The following ZHX1 variants were observed in gnomAD, a reference collection of about 807,000 sequenced individuals.
ZHX1 encodes the protein zinc fingers and homeoboxes protein 1.
ZHX1 carries 20 observed loss-of-function variants against 61.8 expected under a neutral mutation model. The observed-to-expected ratio is 0.32, with a 90% confidence interval of 0.23 to 0.47. The LOEUF (loss-of-function observed/expected upper bound fraction) is 0.47. ZHX1 is among the 20% of genes least tolerant of loss of function. The pLI is 1.00. For synonymous variants in ZHX1, 318 were observed against 352.6 expected, an observed-to-expected ratio of 0.90 and a Z score of 1.10; for missense variants, 800 against 1,034.8, an observed-to-expected ratio of 0.77 and a Z score of 3.11.
rs1048083019 is a variant in ZHX1, at chr8:123,270,839, C to T, written c.-340+3378G>A. 4.9e-4 allele frequency among the ~76,000 whole-genome samples: 74 copies of T among 150,726 alleles called. 1 individual carries two copies. The highest frequency in any genetic ancestry group is 6.9e-4 in the Non-Finnish European group (47 of 67,742). On this transcript the variant is annotated intron_variant, in intron 1 of 3. Coordinates refer to ENST00000395571, the MANE Select transcript of ZHX1 (RefSeq NM_007222.5). ...CTGGCTCCCTTGAATAAACATAATTCTTAAACTGCTCATATATACTTATTT... is the reference window on the plus strand; with the variant it reads ...CTGGCTCCCTTGAATAAACATAATTTTTAAACTGCTCATATATACTTATTT...
chr8:123,252,858 C>A (rs1259016625), intron 3 of ZHX1: 1 of 153,068 alleles, frequency 6.5e-6, no homozygotes, highest in Non-Finnish European at 1.5e-5. Flanking sequence ...ACTGCACAAT[C>A]CTCAACCCTG....
At chr8:123,266,913 T>A (rs1163213551) in intron 2 of ZHX1, among the ~76,000 whole-genome samples, 1 of 152,212 alleles carries the variant, frequency 6.6e-6, no homozygotes, top group African/African-American at 2.4e-5. Flanking sequence ...GGCAAAAGCA[T>A]AGCAAAATTT....
In ZHX1 at chr8:123,254,670, A is replaced by T. The variant is rs777798392; in HGVS notation, c.1277T>A (p.Ile426Lys). ...TVAGVPSQNN[I>K]QKSQVPAAQP... Reference sequence around the variant, plus strand: ...AGCAGCAGGTACCTGACTTTTCTGTATATTATTTTGACTTGGAACGCCTGC... The same window carrying T: ...AGCAGCAGGTACCTGACTTTTCTGTTTATTATTTTGACTTGGAACGCCTGC... The change falls in exon 3 of 4, where the codon ATA (isoleucine) becomes AAA (lysine). Residue 426 changes from isoleucine to lysine, a missense_variant. Transcript: ENST00000395571. This position sits in a 1 kb window ranked among gnomAD's most constrained non-coding sequence, Gnocchi z 4.1. The T allele has an allele frequency of 1.9e-6, 3 of 1,614,074 alleles. No homozygotes were observed. Among genetic ancestry groups the T allele is most frequent in the Non-Finnish European group, 2.5e-6 (3 of 1,180,004 alleles).
chr8:123,274,181 G>C (rs1354543300), intron 1 of ZHX1, 36 bp downstream of exon 1: 2 of 152,450 alleles, frequency 1.3e-5, no homozygotes, highest in Admixed American at 1.3e-4. Context: ...CAGAGTCTCC[G>C]GGCCCGCTGG....
intron 1 of ZHX1, 47 bp from the exon 2 acceptor site, chr8:123,267,433 G>T: frequency 1.8e-6 from 1 of 540,962 alleles, no homozygotes; most frequent in Non-Finnish European, 2.9e-6. Flanking sequence ...TTTAGCCTTA[G>T]TCAGGAAATT....
Position 123,248,803 on chromosome 8 carries a change from C to A in ZHX1, c.*1521G>T, listed in dbSNP as rs919034511. 1 of 147,118 alleles carries A rather than the reference C, an allele frequency of 6.8e-6. No individual in the cohort carries two copies. Among genetic ancestry groups the A allele is most frequent in the African/African-American group, 2.7e-5 (1 of 37,400 alleles). 9.1% of individuals were successfully genotyped at this position (147,118 alleles called of 1,614,324 possible). ...CAGAGTGCTTTAAGAAGTTTTTAAACGTGTAAAAGAAAAAAAAAAAGCTTA... is the reference window on the plus strand; with the variant it reads ...CAGAGTGCTTTAAGAAGTTTTTAAAAGTGTAAAAGAAAAAAAAAAAGCTTA... On this transcript the variant is annotated 3_prime_UTR_variant, in exon 4 of 4. Transcript: ENST00000395571.
At chr8:123,262,311 A>T (rs1193809291) in intron 2 of ZHX1, among the ~76,000 whole-genome samples, 1 of 152,228 alleles carries the variant, frequency 6.6e-6, no homozygotes. Context: ...AAGAGTAATT[A>T]AGGAATATGG....
At chr8:123,263,482 A>C (rs918490612) in intron 2 of ZHX1, among the ~76,000 whole-genome samples, 2 of 152,146 alleles carry the variant, frequency 1.3e-5, no homozygotes, top group Non-Finnish European at 2.9e-5. Flanking sequence ...TTAGCTATCC[A>C]CTATATTCCC....
chr8:123,254,608 C>G lies in ZHX1; in HGVS notation c.1339G>C (p.Val447Leu). Residue 447 changes from valine (V) to leucine (L), a missense_variant, in exon 3 of 4, where the codon GTT becomes CTT. Val to Leu is a conservative substitution (Grantham distance 32). Coordinates refer to ENST00000395571, the MANE Select transcript of ZHX1 (RefSeq NM_007222.5). The surrounding 1 kb of genome is among the most constrained non-coding windows in gnomAD (Gnocchi z 4.1). ...TGTTTGACACTTTGAGAAGTTGGAA[C>G]TGCTGCTGTTGCTGGCTTTGTTTCT... ...TAETKPATAAVPTSQSVKHET... is the reference protein window; with the variant it reads ...TAETKPATAALPTSQSVKHET... 2 of 1,614,170 alleles carry G rather than the reference C, an allele frequency of 1.2e-6. No homozygotes were observed. Among genetic ancestry groups the G allele is most frequent in the Non-Finnish European group, 1.7e-6 (2 of 1,180,020 alleles).
chr8:123,261,750 AT>A (rs560174874), intron 2 of ZHX1, among the ~76,000 whole-genome samples: 1 of 152,130 alleles, frequency 6.6e-6, no homozygotes, highest in African/African-American at 2.4e-5. Flanking sequence ...AATTGATGCT[AT>A]TTTCAGTCCC....
intron 2 of ZHX1, among the ~76,000 whole-genome samples, chr8:123,266,369 C>A (rs1826456906): frequency 6.6e-6 from 1 of 151,992 alleles, no homozygotes; most frequent in Non-Finnish European, 1.5e-5. Context: ...TAACTGTTAC[C>A]CACTTCACTG....
intron 2 of ZHX1, among the ~76,000 whole-genome samples, chr8:123,258,689 G>A (rs974151602): frequency 6.6e-6 from 1 of 152,074 alleles, no homozygotes; most frequent in Non-Finnish European, 1.5e-5. Context: ...AGGACCTGCA[G>A]GAGGCATCAC....
At chr8:123,260,951 G>A (rs139662584) in intron 2 of ZHX1, among the ~76,000 whole-genome samples, 31 of 152,306 alleles carry the variant, frequency 2.0e-4, no homozygotes, top group African/African-American at 6.7e-4. Context: ...GAATCCGGGA[G>A]GTGGAGGATG....
intron 2 of ZHX1, among the ~76,000 whole-genome samples, chr8:123,258,034 G>C (rs191188066): frequency 2.0e-5 from 3 of 152,224 alleles, no homozygotes; most frequent in Non-Finnish European, 2.9e-5. Flanking sequence ...ATAACAGCTT[G>C]CTATAATTTG....
Position 123,254,934 on chromosome 8 carries a change from T to G in ZHX1, c.1013A>C (p.Lys338Thr). The G allele has an allele frequency of 8.1e-6, 13 of 1,614,236 alleles. No individual in the cohort carries two copies. The highest frequency in any genetic ancestry group is 1.0e-5 in the Non-Finnish European group (12 of 1,180,038). The change falls in exon 3 of 4, where the codon AAA (lysine) becomes ACA (threonine). Residue 338 changes from lysine (K) to threonine (T), a missense_variant. Coordinates refer to ENST00000395571, the MANE Select transcript of ZHX1 (RefSeq NM_007222.5). This position sits in a 1 kb window ranked among gnomAD's most constrained non-coding sequence, Gnocchi z 4.1. ...IKIWFSAQRL[K>T]HGVSWTPEEV... is the part of the protein sequence containing the mutation. ...CTCGGGAGTCCAACTAACACCATGT[T>G]TTAAACGTTGGGCTGAAAACCATAT...
chr8:123,249,555 A>G lies in ZHX1; in HGVS notation c.*769T>C, dbSNP rs1336534363. The G allele has an allele frequency of 6.6e-6, 1 of 152,152 alleles. No individual in the cohort carries two copies. The highest frequency in any genetic ancestry group is 2.4e-5 in the African/African-American group (1 of 41,442). The allele number at this position is 152,152 out of a possible 1,614,324, so 9.4% of individuals were successfully genotyped here. On this transcript the variant is annotated 3_prime_UTR_variant, in exon 4 of 4. Transcript: ENST00000395571. ...AGTATTTATTTCAAAGCTTCACCCTATCCAAATTACCATGTCAGTTTCTTT... is the reference window on the plus strand; with the variant it reads ...AGTATTTATTTCAAAGCTTCACCCTGTCCAAATTACCATGTCAGTTTCTTT...
Position 123,253,963 on chromosome 8 carries a change from C to T in ZHX1, c.1984G>A (p.Gly662Ser), listed in dbSNP as rs1825989847. The T allele has an allele frequency of 1.2e-6, 2 of 1,614,184 alleles. No homozygotes were observed. The highest frequency in any genetic ancestry group is 1.7e-6 in the Non-Finnish European group (2 of 1,180,022). ...TCAGGTGTTTTTTTACATATCTTGC[C>T]TGTACTCCCTGACTTAGGTGCACCA... ...ESGAPKSGST[G>S]KICKKTPEQL... Residue 662 changes from glycine (G) to serine (S), a missense_variant, in exon 3 of 4, where the codon GGC (glycine) becomes AGC (serine). By Grantham distance (56) the Gly-to-Ser change is moderately conservative. Coordinates refer to ENST00000395571, the MANE Select transcript of ZHX1 (RefSeq NM_007222.5).
At chr8:123,268,544 T>C (rs1046673633) in intron 1 of ZHX1, among the ~76,000 whole-genome samples, 6 of 151,900 alleles carry the variant, frequency 3.9e-5, no homozygotes, top group Non-Finnish European at 8.8e-5. Flanking sequence ...CCAGCTGGAG[T>C]GCAGTGGCGC....
At chr8:123,261,218 T>A (rs1053041932) in intron 2 of ZHX1, among the ~76,000 whole-genome samples, 7 of 151,716 alleles carry the variant, frequency 4.6e-5, no homozygotes, top group Non-Finnish European at 8.8e-5. Flanking sequence ...CAAACAAAGG[T>A]ATCCTCGGAA....
Sources: allele counts gnomAD v4.1 joint callset (sites outside exome capture counted in the v4.1 genomes callset), GRCh38; gene constraint gnomAD v4.1.1; non-coding constraint Gnocchi (gnomAD v3.1); transcripts MANE v1.5; gene names NCBI Gene and HGNC (gene_info 2026-07-23, HGNC 2026-07-21).